ZCCHC7: variants seen among roughly 807,000 people sequenced by gnomAD.
ZCCHC7 encodes the protein zinc finger CCHC domain-containing protein 7.
A neutral mutation model predicts 52.0 loss-of-function variants in ZCCHC7; 35 were observed. The ratio of observed to expected loss-of-function variants is 0.67; its 90% CI spans 0.51 to 0.89. The LOEUF (loss-of-function observed/expected upper bound fraction) is 0.89, where lower values mean the gene tolerates loss of function less well. ZCCHC7 is among the 40% of genes least tolerant of loss of function. The probability of loss-of-function intolerance (pLI) is 0.00; values close to 1 mark genes in which losing one functional copy is unlikely to be tolerated. For missense variants in ZCCHC7, 574 were observed against 649.1 expected, an observed-to-expected ratio of 0.88 and a Z score of 1.26; for synonymous variants, 217 against 221.5, an observed-to-expected ratio of 0.98 and a Z score of 0.18.
chr9:37,268,564 C>T (rs1395069026), intron 2 of ZCCHC7, among the ~76,000 whole-genome samples: 3 of 151,964 alleles, frequency 2.0e-5, no homozygotes, highest in Admixed American at 2.0e-4. Context: ...GTAGCTGGGA[C>T]TACAGGCGCC....
rs1342094268 is a variant in ZCCHC7, at chr9:37,280,801, C to T, written c.611-21387C>T. Among the ~76,000 whole-genome samples, 5 of 151,898 alleles carry T rather than the reference C, an allele frequency of 3.3e-5. No homozygotes were observed. In the East Asian group the frequency reaches 5.8e-4, roughly 18 times the overall value. On this transcript the variant is annotated intron_variant, in intron 2 of 8. Coordinates refer to ENST00000336755, the MANE Select transcript of ZCCHC7 (RefSeq NM_032226.3). ...CTTTCTTTCTTGAGACAGAGTCTTG[C>T]TTTGTCACCCAGGTTGGAATGTAGA...
At position 37,302,165 on chromosome 9, in the gene ZCCHC7, GTAA is replaced by G. The variant is rs762035173; in HGVS notation, c.611-18_611-16del. On this transcript the variant is annotated intron_variant, in intron 2 of 8. Transcript: ENST00000336755. ...AGTCCTTTAAAAGTGCCACGGTTAAGTAATAATTTATTTGTTTTGTAGGAGAAG... is the reference window on the plus strand; with the variant it reads ...AGTCCTTTAAAAGTGCCACGGTTAAGTAATTTATTTGTTTTGTAGGAGAAG... 6.3e-7 allele frequency: 1 copy of G among 1,595,782 alleles called. No individual in the cohort carries two copies. Among genetic ancestry groups the G allele is most frequent in the Non-Finnish European group, 8.6e-7 (1 of 1,166,266 alleles).
At chr9:37,154,812 A>C (rs1300145024) in intron 2 of ZCCHC7, among the ~76,000 whole-genome samples, 1 of 152,016 alleles carries the variant, frequency 6.6e-6, no homozygotes, top group Non-Finnish European at 1.5e-5. Context: ...GAGAGTCCTG[A>C]TCTCAGTTGG....
At chr9:37,148,332 G>A (rs1377111571) in intron 2 of ZCCHC7, among the ~76,000 whole-genome samples, 1 of 152,084 alleles carries the variant, frequency 6.6e-6, no homozygotes, top group African/African-American at 2.4e-5. Context: ...GAGGTGAGTG[G>A]CATAATAGAG....
At chr9:37,128,851 A>G (rs1188662499) in intron 2 of ZCCHC7, among the ~76,000 whole-genome samples, 1 of 152,250 alleles carries the variant, frequency 6.6e-6, no homozygotes, top group African/African-American at 2.4e-5. Flanking sequence ...GAGCAAGATG[A>G]CAGAAACAAA....
At chr9:37,342,372 C>G (rs1370537352) in intron 6 of ZCCHC7, among the ~76,000 whole-genome samples, 1 of 152,170 alleles carries the variant, frequency 6.6e-6, no homozygotes, top group Non-Finnish European at 1.5e-5. Flanking sequence ...TTTGAGGTGC[C>G]TGTTCGACAT....
At chr9:37,295,038 G>T (rs1296032835) in intron 2 of ZCCHC7, among the ~76,000 whole-genome samples, 1 of 152,170 alleles carries the variant, frequency 6.6e-6, no homozygotes, top group East Asian at 1.9e-4. Flanking sequence ...ATCATGCTTT[G>T]ATGTTTGGAA....
At chr9:37,140,722 C>T (rs552140474) in intron 2 of ZCCHC7, among the ~76,000 whole-genome samples, 2 of 151,990 alleles carry the variant, frequency 1.3e-5, no homozygotes, top group Non-Finnish European at 2.9e-5. Context: ...GTTAGTTAAA[C>T]TGACTTTGGT....
At chr9:37,194,538 C>T (rs1823186506) in intron 2 of ZCCHC7, among the ~76,000 whole-genome samples, 1 of 152,120 alleles carries the variant, frequency 6.6e-6, no homozygotes, top group African/African-American at 2.4e-5. Flanking sequence ...TCTAGTGGCA[C>T]TGGGAGGATT....
chr9:37,191,823 A>G (rs1486700605), intron 2 of ZCCHC7, among the ~76,000 whole-genome samples: 3 of 152,256 alleles, frequency 2.0e-5, no homozygotes, highest in African/African-American at 7.2e-5. Context: ...GTTTACAACA[A>G]TGCAAGGAAG....
At chr9:37,351,823 A>G (rs1018915003) in intron 7 of ZCCHC7, among the ~76,000 whole-genome samples, 1 of 152,240 alleles carries the variant, frequency 6.6e-6, no homozygotes, top group Non-Finnish European at 1.5e-5. Context: ...TCAATTAAAG[A>G]AAAACAATTA....
At chr9:37,296,139 T>C (rs1828773338) in intron 2 of ZCCHC7, among the ~76,000 whole-genome samples, 1 of 152,178 alleles carries the variant, frequency 6.6e-6, no homozygotes, top group Non-Finnish European at 1.5e-5. Context: ...TTAAAAGATA[T>C]TCAAAGTTTG....
At chr9:37,176,392 C>T (rs1225744914) in intron 2 of ZCCHC7, among the ~76,000 whole-genome samples, 3 of 152,088 alleles carry the variant, frequency 2.0e-5, no homozygotes, top group African/African-American at 7.2e-5. Flanking sequence ...TTGTTAAATA[C>T]GCTTTCATTA....
At chr9:37,123,224 T>TGTGCGC (rs1180731163) in intron 1 of ZCCHC7, among the ~76,000 whole-genome samples, 1 of 124,840 alleles carries the variant, frequency 8.0e-6, no homozygotes, top group African/African-American at 2.7e-5. Context: ...TGTGTGTGTG[T>TGTGCGC]GCGTGTGCGT....
chr9:37,272,810 T>C (rs1182626514), intron 2 of ZCCHC7, among the ~76,000 whole-genome samples: 1 of 152,234 alleles, frequency 6.6e-6, no homozygotes, highest in African/African-American at 2.4e-5. Flanking sequence ...CTGCATCCCA[T>C]AGGGTTTCCT....
At chr9:37,277,747 C>G (rs1827750209) in intron 2 of ZCCHC7, among the ~76,000 whole-genome samples, 1 of 152,072 alleles carries the variant, frequency 6.6e-6, no homozygotes, top group Non-Finnish European at 1.5e-5. Context: ...GGGAAATTCT[C>G]AGAGGGACAT....
chr9:37,130,055 A>G (rs891751723), intron 2 of ZCCHC7, among the ~76,000 whole-genome samples: 2 of 152,100 alleles, frequency 1.3e-5, no homozygotes, highest in African/African-American at 2.4e-5. Context: ...CCTGGCCAAC[A>G]TGGCGAAACC....
chr9:37,352,511 C>CTTTTTTTTTTTTTTT lies in ZCCHC7; in HGVS notation c.1084-2189_1084-2175dup, dbSNP rs869266535. Among the ~76,000 whole-genome samples the CTTTTTTTTTTTTTTT allele has an allele frequency of 4.3e-4, 35 of 81,574 alleles. 6 individuals carry two copies. Among genetic ancestry groups the CTTTTTTTTTTTTTTT allele is most frequent in the African/African-American group, 1.9e-3 (34 of 17,970 alleles). The allele number at this position is 81,574 out of a possible 152,430, so 53.5% of individuals were successfully genotyped here. A position where few individuals can be genotyped will look rare whatever the true frequency, so the allele number is the denominator to read the frequency against. The stretch of plus-strand genomic sequence containing the variant: ...TACCTTTGCATAATCACAATTTGCT[C>CTTTTTTTTTTTTTTT]TTTTTTTTTTTTTTTTTTTTTTTTG... On this transcript the variant is annotated intron_variant, in intron 7 of 8. Transcript: ENST00000336755.
At chr9:37,128,486 A>G (rs192588021) in intron 2 of ZCCHC7, among the ~76,000 whole-genome samples, 2 of 152,310 alleles carry the variant, frequency 1.3e-5, no homozygotes, top group Admixed American at 6.5e-5. Context: ...CTTTGAAACA[A>G]TTTGTGGACC....
Sources: allele counts gnomAD v4.1 joint callset (sites outside exome capture counted in the v4.1 genomes callset), GRCh38; gene constraint gnomAD v4.1.1; transcripts MANE v1.5; gene names NCBI Gene and HGNC (gene_info 2026-07-23, HGNC 2026-07-21).